The following MTDH variants were observed in gnomAD, a reference collection of about 807,000 sequenced individuals.
MTDH encodes protein LYRIC.
Under a neutral mutation model 72.7 loss-of-function variants are expected in MTDH, and 34 were observed. The ratio of observed to expected loss-of-function variants is 0.47; its 90% CI spans 0.36 to 0.62. The LOEUF (loss-of-function observed/expected upper bound fraction) is 0.62. MTDH is among the 20% of genes least tolerant of loss of function. The probability of loss-of-function intolerance (pLI) is 0.00; values close to 1 mark genes in which losing one functional copy is unlikely to be tolerated. For synonymous variants in MTDH, 266 were observed against 268.9 expected (o/e 0.99, Z 0.10); for missense variants, 677 against 699.4 (o/e 0.97, Z 0.36).
At chr8:97,723,766 A>T (rs1006590475) in intron 11 of MTDH, among the ~76,000 whole-genome samples, 1 of 151,052 alleles carries the variant, frequency 6.6e-6, no homozygotes, top group African/African-American at 2.4e-5. Flanking sequence ...AAAATGCTAA[A>T]TTTTTTGGAC....
At chr8:97,715,873 CTG>C (rs922064539) in intron 9 of MTDH, among the ~76,000 whole-genome samples, 3 of 152,112 alleles carry the variant, frequency 2.0e-5, no homozygotes, top group African/African-American at 7.2e-5. Context: ...TAACATGTGA[CTG>C]TTTCTTTGGC....
chr8:97,653,414 A>G (rs1811848889), intron 1 of MTDH, among the ~76,000 whole-genome samples: 1 of 152,228 alleles, frequency 6.6e-6, no homozygotes, highest in Non-Finnish European at 1.5e-5. Context: ...ATTGCTTTTA[A>G]AATTTCGAGT....
At chr8:97,721,285 T>C (rs1815112653) in intron 10 of MTDH, among the ~76,000 whole-genome samples, 1 of 151,870 alleles carries the variant, frequency 6.6e-6, no homozygotes, top group Admixed American at 6.6e-5. Context: ...CTACCAAAAA[T>C]ACAAAAAAGT....
At chr8:97,690,832 C>A (rs778480851) in intron 5 of MTDH, 120 bp from the exon 6 acceptor site, 66 of 707,858 alleles carry the variant, frequency 9.3e-5, no homozygotes, top group Admixed American at 3.6e-4. Flanking sequence ...CCTTGGTGAT[C>A]AAAGGATAGT....
At chr8:97,712,390 C>G (rs1392472569) in intron 8 of MTDH, among the ~76,000 whole-genome samples, 1 of 152,066 alleles carries the variant, frequency 6.6e-6, no homozygotes, top group Non-Finnish European at 1.5e-5. Flanking sequence ...TCTGGAGATT[C>G]ATCCAGGTTG....
At chr8:97,666,446 G>A (rs1214774466) in intron 2 of MTDH, among the ~76,000 whole-genome samples, 1 of 152,156 alleles carries the variant, frequency 6.6e-6, no homozygotes, top group Non-Finnish European at 1.5e-5. Flanking sequence ...ACACATAGCT[G>A]ATAAGGAATG....
chr8:97,729,313 T>G lies in MTDH; in HGVS notation c.*4643T>G, dbSNP rs1815471967. 6.6e-6 allele frequency among the ~76,000 whole-genome samples: 1 copy of G among 152,088 alleles called. No homozygotes were observed. The highest frequency in any genetic ancestry group is 1.5e-5 in the Non-Finnish European group (1 of 68,004). On this transcript the variant is annotated 3_prime_UTR_variant, in exon 12 of 12. Transcript: ENST00000336273. The stretch of plus-strand genomic sequence containing the variant: ...ATCTGAGCCAGCTGGTAGAGGGCAT[T>G]ACCTCCCCCACCCCCAAGAACACTT...
chr8:97,708,264 CTTTTTTTTTTTTTTTTTTTTTTT>C (rs71271145), intron 8 of MTDH, among the ~76,000 whole-genome samples: 1 of 32,044 alleles, frequency 3.1e-5, no homozygotes, highest in African/African-American at 1.8e-4. Flanking sequence ...CATGCCAGGC[CTTTTTTTTTTTTTTTTTTTTTTT>C]TTTTTTTTTT....
In MTDH at chr8:97,644,617, C is replaced by T. The variant is rs745359702; in HGVS notation, c.111C>T (p.Gly37=). The T allele has an allele frequency of 1.9e-6, 3 of 1,610,048 alleles. No individual in the cohort carries two copies. The highest frequency in any genetic ancestry group is 3.3e-5 in the Admixed American group (2 of 59,906). Residue 37 remains glycine (G), a synonymous_variant, in exon 1 of 12, where the codon GGC becomes GGT. Coordinates refer to ENST00000336273, the MANE Select transcript of MTDH (RefSeq NM_178812.4). ...VGLGFLRTEL[G]LDLGLEPKRY... ...TAGGCTTTCTGCGCACCGAGCTGGGCCTCGACCTGGGGCTGGAGCCGAAAC... is the reference window on the plus strand; with the variant it reads ...TAGGCTTTCTGCGCACCGAGCTGGGTCTCGACCTGGGGCTGGAGCCGAAAC...
intron 9 of MTDH, among the ~76,000 whole-genome samples, chr8:97,717,490 G>C (rs1451085770): frequency 6.6e-6 from 1 of 152,156 alleles, no homozygotes; most frequent in Non-Finnish European, 1.5e-5. Context: ...TGACTAATCA[G>C]AGTGGCATGA....
intron 2 of MTDH, among the ~76,000 whole-genome samples, chr8:97,679,447 T>C (rs1322067856): frequency 6.6e-6 from 1 of 152,206 alleles, no homozygotes; most frequent in Non-Finnish European, 1.5e-5. Flanking sequence ...TAAAATTTAC[T>C]GGCTGAATTT....
At chr8:97,687,675 AT>A (rs1363277897) in intron 4 of MTDH, 70 bp downstream of exon 4, 5 of 1,313,614 alleles carry the variant, frequency 3.8e-6, no homozygotes, top group African/African-American at 3.0e-5. Context: ...ACAAAATATC[AT>A]TATGTCAAAA....
intron 7 of MTDH, among the ~76,000 whole-genome samples, chr8:97,700,586 G>A (rs999919182): frequency 6.6e-6 from 1 of 152,140 alleles, no homozygotes; most frequent in Non-Finnish European, 1.5e-5. Context: ...ATAGGTGTTC[G>A]GTGGTAATAA....
At chr8:97,722,807 G>T in intron 10 of MTDH, 72 bp from the exon 11 acceptor site, 2 of 1,460,050 alleles carry the variant, frequency 1.4e-6, no homozygotes, top group Non-Finnish European at 1.8e-6. Flanking sequence ...CCACCTCTTG[G>T]TATTACTGTG....
At chr8:97,718,025 C>T (rs1406599834) in intron 9 of MTDH, among the ~76,000 whole-genome samples, 2 of 151,870 alleles carry the variant, frequency 1.3e-5, no homozygotes, top group Non-Finnish European at 2.9e-5. Context: ...GCTGGGATTA[C>T]AGGCATGAGC....
intron 1 of MTDH, among the ~76,000 whole-genome samples, chr8:97,652,726 G>GT (rs895395954): frequency 2.0e-5 from 3 of 152,058 alleles, no homozygotes; most frequent in Non-Finnish European, 4.4e-5. Flanking sequence ...GTAGAATTGT[G>GT]TTTTTTTATT....
At chr8:97,696,175 G>A (rs1813826483) in intron 6 of MTDH, 2 of 893,070 alleles carry the variant, frequency 2.2e-6, no homozygotes, top group South Asian at 1.0e-4. Flanking sequence ...CAAGTTGAAG[G>A]TTCCAAGTGA....
intron 9 of MTDH, among the ~76,000 whole-genome samples, chr8:97,714,130 A>G (rs1399710761): frequency 2.6e-5 from 4 of 152,216 alleles, no homozygotes; most frequent in Non-Finnish European, 5.9e-5. Context: ...CATGTGTATA[A>G]CAAGTGGAGT....
At position 97,687,539 on chromosome 8, in the gene MTDH, A is replaced by T. The variant is rs747835678; in HGVS notation, c.679A>T (p.Thr227Ser). 6.2e-7 allele frequency: 1 copy of T among 1,613,542 alleles called. No individual in the cohort carries two copies. The highest frequency in any genetic ancestry group is 1.1e-5 in the South Asian group (1 of 91,004). Reference sequence around the variant, plus strand: ...TTCAACTATCCCTGGGATAGAAAATACCATCACAGTTACCACCGAGCAACT... The same window carrying T: ...TTCAACTATCCCTGGGATAGAAAATTCCATCACAGTTACCACCGAGCAACT... ...LDSTIPGIEN[T>S]ITVTTEQLTT... is the part of the protein sequence containing the mutation. Residue 227 changes from threonine (T) to serine (S), a missense_variant, in exon 4 of 12, where the codon ACC becomes TCC. By Grantham distance (58) the Thr-to-Ser change is moderately conservative (BLOSUM62 1). Transcript: ENST00000336273.
Sources: gnomAD v4.1 joint callset for allele counts (sites outside exome capture counted in the v4.1 genomes callset) on GRCh38, gnomAD v4.1.1 for gene constraint, MANE v1.5 for transcripts, NCBI Gene and HGNC (gene_info 2026-07-23, HGNC 2026-07-21) for gene names.